Variants in SYNE2 observed in about 807,000 individuals in gnomAD.
SYNE2 encodes nesprin-2.
A neutral mutation model predicts 856.3 loss-of-function variants in SYNE2; 431 were observed. That is an observed-to-expected ratio of 0.50 (90% CI 0.47 to 0.55). SYNE2 has a LOEUF of 0.55. SYNE2 is among the 20% of genes least tolerant of loss of function. The pLI is 0.00. For synonymous variants in SYNE2, 2,923 were observed against 2,872.3 expected (o/e 1.02, Z -0.56); for missense variants, 8,129 against 8,023.2 (o/e 1.01, Z -0.50).
chr14:64,024,361 C>T lies in SYNE2; in HGVS notation c.5742C>T (p.Ile1914=), dbSNP rs755138752. The T allele has an allele frequency of 6.5e-5, 105 of 1,614,016 alleles. No individual in the cohort carries two copies. The highest frequency in any genetic ancestry group is 4.6e-4 in the South Asian group (42 of 91,084). ...CCAAAGCACATGTGAAGGAGCTTAT[C>T]AGTTGGCTCGTGGGTCAGGAATTCG... is the stretch of plus-strand genomic sequence containing the variant. The part of the protein sequence containing the change: ...HLPKAHVKEL[I]SWLVGQEFEL... Residue 1914 remains isoleucine (I), a synonymous_variant, in exon 39 of 116, where the codon ATC becomes ATT. Coordinates refer to ENST00000555002, the MANE Select transcript of SYNE2 (RefSeq NM_182914.3).
At position 64,021,351 on chromosome 14, in the gene SYNE2, G is replaced by A. The variant is rs1285927647; in HGVS notation, c.5188G>A (p.Val1730Ile). The A allele has an allele frequency of 1.2e-6, 2 of 1,614,136 alleles. No homozygotes were observed. The highest frequency in any genetic ancestry group is 1.7e-6 in the Non-Finnish European group (2 of 1,179,986). ...ESSILNKMEHVQKCLTGESNC... is the reference protein window; with the variant it reads ...ESSILNKMEHIQKCLTGESNC... ...CTCTATTTTGAACAAGATGGAACAT[G>A]TACAGAAGTGCTTAACAGGAGAATC... Residue 1730 changes from valine to isoleucine, a missense_variant, in exon 36 of 116, where the codon GTA (valine) becomes ATA (isoleucine). This residue lies in a region of SYNE2 where 2,422 missense variants were observed against 2,357.4 expected (regional missense o/e 1.03). Transcript: ENST00000555002.
chr14:64,207,816 G>GT lies in SYNE2; in HGVS notation c.18202-941dup, dbSNP rs1027520641. 16 of 360,536 alleles carry GT rather than the reference G, an allele frequency of 4.4e-5. 1 individual carries two copies. In the East Asian group the frequency reaches 8.1e-4, roughly 18 times the overall value. The allele number at this position is 360,536 out of a possible 1,614,324, so 22.3% of individuals were successfully genotyped here. ...AATAATTAAAATAGAATTTAACTTAGTGTTTGCTTTCTCACAATGTAATTT... is the reference window on the plus strand; with the variant it reads ...AATAATTAAAATAGAATTTAACTTAGTTGTTTGCTTTCTCACAATGTAATTT... On this transcript the variant is annotated intron_variant, in intron 100 of 115. Coordinates refer to ENST00000555002, the MANE Select transcript of SYNE2 (RefSeq NM_182914.3).
chr14:63,999,072 T>C (rs1466276160), intron 27 of SYNE2, 32 bp downstream of exon 27: 1 of 1,604,532 alleles, frequency 6.2e-7, no homozygotes, highest in Non-Finnish European at 8.5e-7. Context: ...TCTCTGATTA[T>C]CTTGTTTATT....
In SYNE2 at chr14:64,047,997, C is replaced by G. The variant is rs1173387626; in HGVS notation, c.7222-3C>G. 4 of 1,613,440 alleles carry G rather than the reference C, an allele frequency of 2.5e-6. No homozygotes were observed. The highest frequency in any genetic ancestry group is 3.4e-6 in the Non-Finnish European group (4 of 1,179,646). ...CAGCAATTAATCTTTTTATGTATTT[C>G]AGGATTCAGCTGTGGAAATGGCTAT... On this transcript the variant is annotated splice_region_variant and splice_polypyrimidine_tract_variant and intron_variant, in intron 45 of 115. Coordinates refer to ENST00000555002, the MANE Select transcript of SYNE2 (RefSeq NM_182914.3).
intron 64 of SYNE2, among the ~76,000 whole-genome samples, chr14:64,105,543 A>G (rs2097765446): frequency 6.6e-6 from 1 of 152,226 alleles, no homozygotes; most frequent in Non-Finnish European, 1.5e-5. Flanking sequence ...CTGAGGTTTC[A>G]GAGAGTTCAG....
rs552607829 is a variant in SYNE2, at chr14:64,069,979, G to A, written c.10432-666G>A. Among the ~76,000 whole-genome samples, 128 of 152,292 alleles carry A rather than the reference G, an allele frequency of 8.4e-4. 2 individuals carry two copies. In the South Asian group the frequency reaches 0.023, roughly 27 times the overall value. ...TACTGCAGCCGAGGGGTGGGCCAGG[G>A]GATTCGAGGGGAGGCGTAAGAATGA... On this transcript the variant is annotated intron_variant, in intron 51 of 115. Transcript: ENST00000555002.
At chr14:63,895,775 CAAA>C (rs10544076) in intron 1 of SYNE2, among the ~76,000 whole-genome samples, 207 of 92,606 alleles carry the variant, frequency 2.2e-3, no homozygotes, top group Middle Eastern at 5.6e-3. Context: ...TCCAAATCTC[CAAA>C]AAAAAAAAAA....
At chr14:63,810,369 G>A (rs770981728) in intron 1 of SYNE2, among the ~76,000 whole-genome samples, 5 of 152,150 alleles carry the variant, frequency 3.3e-5, no homozygotes, top group Non-Finnish European at 5.9e-5. Context: ...AATGTATAAA[G>A]TTTGGTTATT....
chr14:64,208,159 G>A (rs1399561082), intron 100 of SYNE2: 1 of 456,046 alleles, frequency 2.2e-6, no homozygotes, highest in Admixed American at 2.3e-5. Context: ...AGCCACCACA[G>A]CTTTGGCTGG....
At chr14:63,883,105 C>G (rs1352767370) in intron 1 of SYNE2, among the ~76,000 whole-genome samples, 2 of 151,986 alleles carry the variant, frequency 1.3e-5, no homozygotes, top group Non-Finnish European at 1.5e-5. Context: ...GTCGCCCAGG[C>G]TGGAGTGCAG....
intron 19 of SYNE2, among the ~76,000 whole-genome samples, chr14:63,988,540 C>A (rs745791917): frequency 2.6e-5 from 4 of 152,116 alleles, no homozygotes; most frequent in Non-Finnish European, 5.9e-5. Flanking sequence ...TCCACTGCCC[C>A]AAGACAAATA....
intron 2 of SYNE2, among the ~76,000 whole-genome samples, chr14:63,929,726 G>A (rs960382331): frequency 3.3e-5 from 5 of 150,966 alleles, no homozygotes; most frequent in Admixed American, 6.6e-5. Flanking sequence ...AGCCGAGATC[G>A]CGCCGTTGCA....
intron 64 of SYNE2, among the ~76,000 whole-genome samples, chr14:64,104,851 T>G (rs2097761027): frequency 6.6e-6 from 1 of 152,222 alleles, no homozygotes; most frequent in African/African-American, 2.4e-5. Flanking sequence ...GCTTTTCTCT[T>G]AAATCTATAA....
chr14:63,982,365 G>A (rs941993681), intron 16 of SYNE2, among the ~76,000 whole-genome samples: 1 of 152,010 alleles, frequency 6.6e-6, no homozygotes, highest in Non-Finnish European at 1.5e-5. Flanking sequence ...CACTTAAGAG[G>A]GAAGAGCTAG....
intron 1 of SYNE2, among the ~76,000 whole-genome samples, chr14:63,855,062 T>C (rs1891378245): frequency 6.6e-6 from 1 of 152,246 alleles, no homozygotes; most frequent in Non-Finnish European, 1.5e-5. Flanking sequence ...TCTGGAGATC[T>C]GAATAATAAT....
At chr14:64,045,649 C>T (rs1288658245) in intron 45 of SYNE2, among the ~76,000 whole-genome samples, 1 of 151,326 alleles carries the variant, frequency 6.6e-6, no homozygotes, top group Non-Finnish European at 1.5e-5. Flanking sequence ...CACAGTGTGC[C>T]TGAATACATT....
At chr14:63,959,443 A>G (rs112367027) in intron 8 of SYNE2, among the ~76,000 whole-genome samples, 27 of 151,784 alleles carry the variant, frequency 1.8e-4, no homozygotes, top group African/African-American at 5.5e-4. Flanking sequence ...GATTACAGGC[A>G]TGTGCAACCA....
rs368919032 is a variant in SYNE2, at chr14:64,143,879, G to A, written c.15414G>A (p.Thr5138=). 3.3e-5 allele frequency: 53 copies of A among 1,614,136 alleles called. No homozygotes were observed. In the African/African-American group the frequency reaches 3.7e-4, roughly 11 times the overall value. ...TAGAAAGCAAGCGCTATGAAAGAAC[G>A]GAGTTTGCAGAGCACCTGGGGGAGA... The part of the protein sequence containing the change: ...CDVESKRYER[T]EFAEHLGEMN... The change falls in exon 83 of 116, where the codon ACG becomes ACA. Residue 5138 remains threonine, a synonymous_variant. Transcript: ENST00000555002.
chr14:63,783,740 C>T (rs1203709875), intron 1 of SYNE2, among the ~76,000 whole-genome samples: 1 of 151,770 alleles, frequency 6.6e-6, no homozygotes, highest in Non-Finnish European at 1.5e-5. Flanking sequence ...TTATAACTGC[C>T]AGAAAAGAAA....
Sources: allele counts gnomAD v4.1 joint callset (sites outside exome capture counted in the v4.1 genomes callset), GRCh38; gene constraint gnomAD v4.1.1; regional missense constraint gnomAD v4.1.1; transcripts MANE v1.5; gene names NCBI Gene and HGNC (gene_info 2026-07-23, HGNC 2026-07-21).